APTX: variants seen among roughly 807,000 people sequenced by gnomAD.
APTX encodes the protein forkhead-associated domain histidine triad-like protein.
In APTX, 33 loss-of-function variants were observed where a neutral mutation model predicts 42.3. The ratio of observed to expected loss-of-function variants is 0.78; its 90% CI spans 0.59 to 1.04. APTX has a LOEUF of 1.04. Ranked by LOEUF, APTX falls within the 50% of genes least tolerant of loss-of-function variation. APTX has a pLI of 0.00. For synonymous variants in APTX, 130 were observed against 146.7 expected (o/e 0.89, Z 0.82); for missense variants, 421 against 415.1 (o/e 1.01, Z -0.12).
upstream of APTX, among the ~76,000 whole-genome samples, chr9:33,005,603 AT>A (rs74178839): frequency 0.26 from 38,338 of 148,478 alleles, 4,975 homozygotes; most frequent in Middle Eastern, 0.31. Flanking sequence ...AGCCTGGCTA[AT>A]TTTTTTTTTA....
chr9:32,991,385 C>A (rs1833597962), intron 1 of APTX, among the ~76,000 whole-genome samples: 1 of 152,098 alleles, frequency 6.6e-6, no homozygotes, highest in Admixed American at 6.5e-5. Context: ...AGAGATGAGA[C>A]CTCAACAATG....
upstream of APTX, among the ~76,000 whole-genome samples, chr9:33,003,867 T>C (rs1238304100): frequency 6.6e-6 from 1 of 152,204 alleles, no homozygotes; most frequent in Non-Finnish European, 1.5e-5. Context: ...TAACACTCCA[T>C]TGCATGTACA....
intron 1 of APTX, chr9:33,019,573 A>G (rs1838197248): frequency 2.8e-6 from 1 of 356,820 alleles, no homozygotes; most frequent in Admixed American, 4.8e-5. Context: ...ACACAAAGGC[A>G]GTACAGGCCG....
rs1563963876 is a variant in APTX, at chr9:32,986,047, A to AAC, written c.484-18_484-17insGT. On this transcript the variant is annotated splice_polypyrimidine_tract_variant and intron_variant, in intron 4 of 7. Coordinates refer to ENST00000379817, the MANE Select transcript of APTX (RefSeq NM_001195248.2). ...CAGGGATTCCTAAAAAAAAAACAAA[A>AAC]AAAAAAACAAAAAAAAAAAAAAACA... 3.0e-6 allele frequency: 2 copies of AAC among 661,348 alleles called. No homozygotes were observed. The highest frequency in any genetic ancestry group is 5.3e-5 in the African/African-American group (2 of 37,544). The allele number at this position is 661,348 out of a possible 1,614,324, so 41.0% of individuals were successfully genotyped here.
chr9:33,010,075 C>A (rs1377315683), intron 1 of APTX, among the ~76,000 whole-genome samples: 1 of 152,202 alleles, frequency 6.6e-6, no homozygotes, highest in Non-Finnish European at 1.5e-5. Flanking sequence ...ACTTTAAAGA[C>A]TGATGGGGCT....
chr9:33,024,548 C>A (rs1333755540), intron 1 of APTX, among the ~76,000 whole-genome samples: 1 of 152,124 alleles, frequency 6.6e-6, no homozygotes, highest in East Asian at 1.9e-4. Context: ...TGGGTGAAAA[C>A]CTGACCAGAG....
chr9:33,003,674 C>G (rs1836911881), upstream of APTX, among the ~76,000 whole-genome samples: 1 of 152,114 alleles, frequency 6.6e-6, no homozygotes, highest in South Asian at 2.1e-4. Flanking sequence ...CCTATTTTCC[C>G]TCCCCCACCT....
intron 1 of APTX, among the ~76,000 whole-genome samples, chr9:33,019,172 A>G (rs181736199): frequency 1.3e-5 from 2 of 152,322 alleles, no homozygotes; most frequent in African/African-American, 4.8e-5. Flanking sequence ...GAACTCTACT[A>G]TCCTGACAAC....
intron 1 of APTX, among the ~76,000 whole-genome samples, chr9:33,024,025 C>A (rs1225513366): frequency 6.6e-6 from 1 of 152,208 alleles, no homozygotes; most frequent in Non-Finnish European, 1.5e-5. Context: ...AGCTCAATTG[C>A]CACTTTCCCA....
At chr9:32,974,366 A>C in intron 7 of APTX, 92 bp downstream of exon 7, 1 of 844,302 alleles carries the variant, frequency 1.2e-6, no homozygotes, top group Non-Finnish European at 2.0e-6. Context: ...TAGGTTTTTG[A>C]GGTCAGACTG....
At position 32,991,221 on chromosome 9, in the gene APTX, C is replaced by T. The variant is rs186556035; in HGVS notation, c.-4-1326G>A. 1.6e-4 allele frequency among the ~76,000 whole-genome samples: 24 copies of T among 152,246 alleles called. No homozygotes were observed. The East Asian group carries it at 3.1e-3, about 20-fold the overall frequency. On this transcript the variant is annotated intron_variant, in intron 1 of 7. Coordinates refer to ENST00000379817, the MANE Select transcript of APTX (RefSeq NM_001195248.2). ...GATTACAGGCATGAGCCACCGTGCCCGGCCGCAAACCTACAATTTCTAAAG... is the reference window on the plus strand; with the variant it reads ...GATTACAGGCATGAGCCACCGTGCCTGGCCGCAAACCTACAATTTCTAAAG...
intron 6 of APTX, among the ~76,000 whole-genome samples, chr9:32,976,304 A>G (rs1253567572): frequency 6.6e-6 from 1 of 152,144 alleles, no homozygotes; most frequent in African/African-American, 2.4e-5. Flanking sequence ...GGCGCAGCAA[A>G]CCAACATGGC....
chr9:32,973,569 G>C lies in APTX; in HGVS notation c.958C>G (p.His320Asp), dbSNP rs376734304. Residue 320 changes from histidine (H) to aspartate (D), a missense_variant, in exon 8 of 8, where the codon CAT becomes GAT. His to Asp is a moderately conservative substitution (Grantham distance 81, BLOSUM62 -1). Transcript: ENST00000379817. Reference protein sequence around the residue: ...PELLKLPLRCHECQQLLPSIP... With the variant: ...PELLKLPLRCDECQQLLPSIP... ...GAAGGCAGCAGCTGCTGGCACTCAT[G>C]ACAACGAAGGGGCAGCTTCAAGAGC... 1.2e-5 allele frequency: 19 copies of C among 1,614,030 alleles called. No homozygotes were observed. Among genetic ancestry groups the C allele is most frequent in the Non-Finnish European group, 1.6e-5 (19 of 1,180,008 alleles).
At chr9:33,008,390 A>G (rs904762472) in intron 1 of APTX, among the ~76,000 whole-genome samples, 2 of 151,918 alleles carry the variant, frequency 1.3e-5, no homozygotes, top group African/African-American at 4.8e-5. Flanking sequence ...TAAAATAGCT[A>G]TACAATTTCT....
At chr9:32,991,219 C>A (rs1833543757) in intron 1 of APTX, among the ~76,000 whole-genome samples, 1 of 152,156 alleles carries the variant, frequency 6.6e-6, no homozygotes, top group Non-Finnish European at 1.5e-5. Flanking sequence ...AGCCACCGTG[C>A]CCGGCCGCAA....
intron 1 of APTX, among the ~76,000 whole-genome samples, chr9:32,994,355 C>G (rs1834339456): frequency 6.6e-6 from 1 of 152,184 alleles, no homozygotes; most frequent in South Asian, 2.1e-4. Flanking sequence ...TGATCCATCT[C>G]AAGTCCCTCA....
At position 32,990,003 on chromosome 9, in the gene APTX, G is replaced by A. The variant is rs190772749; in HGVS notation, c.-4-108C>T. On this transcript the variant is annotated intron_variant, in intron 1 of 7. Coordinates refer to ENST00000379817, the MANE Select transcript of APTX (RefSeq NM_001195248.2). Reference sequence around the variant, plus strand: ...ATGTGATCTACCAGCTGTTCATCTTGAGGCAAGTGACTTCACCACCCTAGT... The same window carrying A: ...ATGTGATCTACCAGCTGTTCATCTTAAGGCAAGTGACTTCACCACCCTAGT... The A allele has an allele frequency of 8.2e-4, 1,159 of 1,411,568 alleles. 9 individuals are homozygous for A. In the African/African-American group the frequency reaches 0.015, roughly 18 times the overall value. The allele number at this position is 1,411,568 out of a possible 1,614,324, so 87.4% of individuals were successfully genotyped here. A position where few individuals can be genotyped will look rare whatever the true frequency, so the allele number is the denominator to read the frequency against.
chr9:32,973,764 G>T, intron 7 of APTX, 112 bp from the exon 8 acceptor site: 1 of 1,391,524 alleles, frequency 7.2e-7, no homozygotes, highest in Non-Finnish European at 1.0e-6. Flanking sequence ...TGCCAGGCCA[G>T]GTATTCTACA....
intron 1 of APTX, 60 bp from the exon 2 acceptor site, chr9:32,989,955 G>A (rs2118870959): frequency 6.4e-7 from 1 of 1,566,600 alleles, no homozygotes; most frequent in South Asian, 1.2e-5. Flanking sequence ...AGTCCTCCAG[G>A]GCCACACCCG....
Sources: allele counts gnomAD v4.1 joint callset (sites outside exome capture counted in the v4.1 genomes callset), GRCh38; gene constraint gnomAD v4.1.1; transcripts MANE v1.5; gene names NCBI Gene and HGNC (gene_info 2026-07-23, HGNC 2026-07-21).